PDE4D: variants seen among roughly 807,000 people sequenced by gnomAD.
PDE4D encodes 3',5'-cyclic-AMP phosphodiesterase 4D.
In PDE4D, 24 loss-of-function variants were observed where a neutral mutation model predicts 87.4. That is an observed-to-expected ratio of 0.27 (90% CI 0.20 to 0.39). PDE4D has a LOEUF of 0.39. Ranked by LOEUF, PDE4D falls within the 10% of genes least tolerant of loss-of-function variation. The pLI is 1.00. For missense variants in PDE4D, 714 were observed against 1,041.0 expected (o/e 0.69, Z 4.32); for synonymous variants, 384 against 383.2 (o/e 1.00, Z -0.02).
At chr5:60,341,855 C>T (rs1179824349) in intron 1 of PDE4D, among the ~76,000 whole-genome samples, 1 of 152,058 alleles carries the variant, frequency 6.6e-6, no homozygotes, top group East Asian at 1.9e-4. Context: ...AAACACAGAC[C>T]CATCAGCCCT....
At chr5:59,927,453 G>C (rs1755416732) in intron 3 of PDE4D, among the ~76,000 whole-genome samples, 1 of 152,212 alleles carries the variant, frequency 6.6e-6, no homozygotes, top group Admixed American at 6.5e-5. Context: ...AAATACCCAT[G>C]TGGATATATT....
At chr5:59,236,649 C>A (rs1756492841) in intron 1 of PDE4D, among the ~76,000 whole-genome samples, 1 of 152,086 alleles carries the variant, frequency 6.6e-6, no homozygotes. Flanking sequence ...GTGAGAAGAG[C>A]CAAAGCTGTC....
intron 1 of PDE4D, among the ~76,000 whole-genome samples, chr5:59,311,566 T>A (rs1428817615): frequency 5.4e-5 from 8 of 148,822 alleles, no homozygotes; most frequent in Middle Eastern, 3.5e-3. Context: ...GACTCTTTCC[T>A]CTTCCTTACT....
chr5:59,485,405 TA>T (rs1351888476), intron 1 of PDE4D, among the ~76,000 whole-genome samples: 1 of 152,058 alleles, frequency 6.6e-6, no homozygotes, highest in South Asian at 2.1e-4. Flanking sequence ...TGCAAGTTTT[TA>T]AAAAAAGATA....
chr5:60,272,963 C>T (rs1047319375), intron 1 of PDE4D, among the ~76,000 whole-genome samples: 7 of 152,196 alleles, frequency 4.6e-5, no homozygotes, highest in South Asian at 2.1e-4. Context: ...CTCAAAACCT[C>T]TCTCACACTT....
chr5:59,965,264 T>TA (rs1333320984), intron 3 of PDE4D, among the ~76,000 whole-genome samples: 2 of 151,770 alleles, frequency 1.3e-5, no homozygotes, highest in Non-Finnish European at 2.9e-5. Context: ...TTCCTCAACT[T>TA]AAAAAAAACA....
chr5:60,433,190 G>A (rs1744493213), intron 1 of PDE4D, among the ~76,000 whole-genome samples: 1 of 152,066 alleles, frequency 6.6e-6, no homozygotes, highest in Admixed American at 6.6e-5. Context: ...ATCTGGCAAA[G>A]GTTTAATATC....
At chr5:59,990,982 G>A (rs897644753) in intron 2 of PDE4D, among the ~76,000 whole-genome samples, 29 of 152,154 alleles carry the variant, frequency 1.9e-4, no homozygotes, top group African/African-American at 7.0e-4. Context: ...CCACCATGCT[G>A]CACTACCTTA....
intron 1 of PDE4D, among the ~76,000 whole-genome samples, chr5:59,366,035 T>C (rs886270371): frequency 1.3e-5 from 2 of 151,996 alleles, no homozygotes; most frequent in Non-Finnish European, 2.9e-5. Context: ...AGAGGCTTTT[T>C]CCCCCCAAGA....
intron 2 of PDE4D, among the ~76,000 whole-genome samples, chr5:60,010,665 T>C (rs895185124): frequency 6.6e-6 from 1 of 152,154 alleles, no homozygotes; most frequent in Non-Finnish European, 1.5e-5. Flanking sequence ...TCTTGTCTTA[T>C]GGTGAAATGT....
chr5:59,331,534 T>C (rs571615897), intron 1 of PDE4D, among the ~76,000 whole-genome samples: 6 of 152,334 alleles, frequency 3.9e-5, no homozygotes, highest in African/African-American at 1.4e-4. Context: ...AGGTTAGGAC[T>C]TCAGCATATG....
intron 5 of PDE4D, among the ~76,000 whole-genome samples, chr5:59,156,351 G>A (rs188841285): frequency 0.11 from 16,259 of 141,474 alleles, 1,533 homozygotes; most frequent in Non-Finnish European, 0.17. Context: ...GTGTGTGTGT[G>A]TGTGTGTGTG....
chr5:59,517,804 A>G (rs1181144647), intron 1 of PDE4D, among the ~76,000 whole-genome samples: 5 of 152,210 alleles, frequency 3.3e-5, no homozygotes, highest in African/African-American at 1.2e-4. Flanking sequence ...AGCAAATCAT[A>G]CTGCAAAAAA....
intron 1 of PDE4D, among the ~76,000 whole-genome samples, chr5:59,266,602 T>C (rs1762897583): frequency 6.6e-6 from 1 of 151,910 alleles, no homozygotes; most frequent in Non-Finnish European, 1.5e-5. Flanking sequence ...CGTGTCAAAG[T>C]CCATGTTCTA....
intron 1 of PDE4D, among the ~76,000 whole-genome samples, chr5:60,316,544 G>T (rs941907609): frequency 6.6e-6 from 1 of 152,184 alleles, no homozygotes; most frequent in African/African-American, 2.4e-5. Flanking sequence ...TGGTGAGAGA[G>T]GGCATCCCTC....
intron 3 of PDE4D, among the ~76,000 whole-genome samples, chr5:59,188,806 T>C (rs1394467880): frequency 2.0e-5 from 3 of 152,206 alleles, no homozygotes; most frequent in Non-Finnish European, 4.4e-5. Flanking sequence ...TTATGTTTTG[T>C]TTAAACCCTA....
At chr5:60,151,800 G>T (rs1446699973) in intron 2 of PDE4D, among the ~76,000 whole-genome samples, 2 of 152,134 alleles carry the variant, frequency 1.3e-5, no homozygotes, top group Non-Finnish European at 2.9e-5. Context: ...GGCAAAAATG[G>T]ATGTCCTTGC....
Position 59,244,783 on chromosome 5 carries a change from GTA to G in PDE4D, c.456-28817_456-28816del, listed in dbSNP as rs147057388. On this transcript the variant is annotated intron_variant, in intron 1 of 14. Transcript: ENST00000340635. ...ATAGGATATATATGACCATAAAAAT[GTA>G]TATATATATATATATGTGTGTGTGT... 4.3e-3 allele frequency among the ~76,000 whole-genome samples: 588 copies of G among 136,704 alleles called. 9 individuals are homozygous for G. The highest frequency in any genetic ancestry group is 0.013 in the African/African-American group (477 of 37,148). The allele number at this position is 136,704 out of a possible 152,430, so 89.7% of individuals were successfully genotyped here.
intron 6 of PDE4D, among the ~76,000 whole-genome samples, chr5:59,031,676 C>CCAGCCTGG (rs1386725918): frequency 7.4e-6 from 1 of 135,404 alleles, no homozygotes; most frequent in Non-Finnish European, 1.5e-5. Context: ...CCACTGCACT[C>CCAGCCTGG]CAGCCTGGGC....
Sources: allele counts gnomAD v4.1 joint callset (sites outside exome capture counted in the v4.1 genomes callset), GRCh38; gene constraint gnomAD v4.1.1; transcripts MANE v1.5; gene names NCBI Gene and HGNC (gene_info 2026-07-23, HGNC 2026-07-21).